Variants in DCC observed in about 807,000 individuals in gnomAD.
DCC encodes the protein DCC netrin 1 receptor.
A neutral mutation model predicts 172.5 loss-of-function variants in DCC; 58 were observed. The observed-to-expected ratio is 0.34, with a 90% CI of 0.27 to 0.42. The LOEUF is 0.42. Ranked by LOEUF, DCC falls within the 10% of genes least tolerant of loss-of-function variation. The pLI, the probability that DCC is intolerant of heterozygous loss-of-function variation, is 1.00. For missense variants in DCC, 1,740 were observed against 1,791.0 expected (o/e 0.97, Z 0.51); for synonymous variants, 709 against 644.5 (o/e 1.10, Z -1.52).
At chr18:52,735,389 AG>A (rs1299536034) in intron 1 of DCC, among the ~76,000 whole-genome samples, 4 of 152,154 alleles carry the variant, frequency 2.6e-5, no homozygotes, top group African/African-American at 9.7e-5. Flanking sequence ...ATGATGTATT[AG>A]GGTTCTCTAA....
chr18:53,430,154 C>A lies in DCC; in HGVS notation c.3164-4990C>A, dbSNP rs1459372868. 4.6e-5 allele frequency among the ~76,000 whole-genome samples: 7 copies of A among 152,070 alleles called. 1 individual carries two copies. The highest frequency in any genetic ancestry group is 1.7e-4 in the African/African-American group (7 of 41,428). ...ACAAGACAGAAAATCAATGCAATTT[C>A]TATCATCATTAGAATTATTTTCAGA... is the stretch of plus-strand genomic sequence containing the variant. On this transcript the variant is annotated intron_variant, in intron 21 of 28. Transcript: ENST00000442544.
At chr18:53,168,915 G>A (rs2054967715) in intron 8 of DCC, among the ~76,000 whole-genome samples, 2 of 152,066 alleles carry the variant, frequency 1.3e-5, no homozygotes, top group African/African-American at 4.8e-5. Context: ...ACAAGGTTGT[G>A]GGCATGGAGT....
intron 7 of DCC, among the ~76,000 whole-genome samples, chr18:53,125,734 T>G (rs1448510762): frequency 6.6e-6 from 1 of 152,122 alleles, no homozygotes; most frequent in African/African-American, 2.4e-5. Flanking sequence ...CAACACAGAT[T>G]TGGACCACAC....
rs1484011022 is a variant in DCC at position 52,925,381 on chromosome 18, G to T, written c.985+11G>T. 1 of 1,611,354 alleles carries T rather than the reference G, an allele frequency of 6.2e-7. No homozygotes were observed. The highest frequency in any genetic ancestry group is 1.3e-5 in the African/African-American group (1 of 74,896). ...AGCTCACAGTCTTGGGTAAGTTAGTGGCTGGAGATGAGTTTATATTGTACC... is the reference window on the plus strand; with the variant it reads ...AGCTCACAGTCTTGGGTAAGTTAGTTGCTGGAGATGAGTTTATATTGTACC... On this transcript the variant is annotated intron_variant, in intron 5 of 28. Transcript: ENST00000442544.
intron 21 of DCC, among the ~76,000 whole-genome samples, chr18:53,433,426 A>G (rs963780336): frequency 4.6e-5 from 7 of 152,196 alleles, no homozygotes; most frequent in Non-Finnish European, 1.0e-4. Flanking sequence ...CTACCTAGCT[A>G]ATTTCCAGCC....
chr18:53,207,000 A>G (rs1323628510), intron 10 of DCC, among the ~76,000 whole-genome samples: 1 of 151,368 alleles, frequency 6.6e-6, no homozygotes, highest in Non-Finnish European at 1.5e-5. Flanking sequence ...TGCTATCTTC[A>G]AGCTATTTTT....
intron 9 of DCC, among the ~76,000 whole-genome samples, chr18:53,184,189 A>G (rs536100023): frequency 6.6e-6 from 1 of 151,936 alleles, no homozygotes; most frequent in South Asian, 2.1e-4. Context: ...ACATTTACAT[A>G]CTCTGCTACT....
chr18:52,435,305 G>T (rs1987755450), intron 1 of DCC, among the ~76,000 whole-genome samples: 1 of 152,048 alleles, frequency 6.6e-6, no homozygotes, highest in African/African-American at 2.4e-5. Flanking sequence ...GTGTGCACGT[G>T]TGTGTGTGCT....
intron 2 of DCC, among the ~76,000 whole-genome samples, chr18:52,778,988 A>G (rs1174701465): frequency 1.3e-5 from 2 of 152,202 alleles, no homozygotes; most frequent in East Asian, 1.9e-4. Context: ...CCATTAATGT[A>G]TGATGTGTTT....
intron 2 of DCC, among the ~76,000 whole-genome samples, chr18:52,800,539 T>C (rs1426802969): frequency 6.6e-6 from 1 of 152,156 alleles, no homozygotes; most frequent in African/African-American, 2.4e-5. Flanking sequence ...TGGCAGTACA[T>C]AGATTGCTAT....
intron 26 of DCC, among the ~76,000 whole-genome samples, chr18:53,489,152 G>C (rs2045933882): frequency 1.3e-5 from 2 of 151,954 alleles, no homozygotes; most frequent in Admixed American, 1.3e-4. Context: ...TTAAATAAAA[G>C]TAGTTATACG....
rs148688185 is a variant in DCC at position 52,584,406 on chromosome 18, G to A, written c.92-167648G>A. On this transcript the variant is annotated intron_variant, in intron 1 of 28. Transcript: ENST00000442544. ...TGATTTGATTTAAAAAGGAGAAAGA[G>A]AAAGAGAGAGAGAGAGAGATGGAGA... Among the ~76,000 whole-genome samples, 11 of 152,268 alleles carry A rather than the reference G, an allele frequency of 7.2e-5. No individual in the cohort carries two copies. The East Asian group carries it at 2.1e-3, about 29-fold the overall frequency.
chr18:52,373,796 T>G (rs915463832), intron 1 of DCC, among the ~76,000 whole-genome samples: 1 of 152,168 alleles, frequency 6.6e-6, no homozygotes, highest in African/African-American at 2.4e-5. Flanking sequence ...TTGTTTAGCT[T>G]AAACCTTATC....
intron 5 of DCC, among the ~76,000 whole-genome samples, chr18:52,948,176 T>C (rs1318004853): frequency 2.0e-5 from 3 of 152,188 alleles, no homozygotes; most frequent in South Asian, 2.1e-4. Context: ...CCATGTGATA[T>C]CATGGGTATT....
intron 5 of DCC, among the ~76,000 whole-genome samples, chr18:52,983,289 T>C (rs1333276750): frequency 6.6e-6 from 1 of 152,108 alleles, no homozygotes; most frequent in Non-Finnish European, 1.5e-5. Flanking sequence ...AAAGGGAACA[T>C]TGGATGCTTT....
chr18:52,346,561 T>A (rs988197815), intron 1 of DCC, among the ~76,000 whole-genome samples: 1 of 152,196 alleles, frequency 6.6e-6, no homozygotes, highest in Non-Finnish European at 1.5e-5. Flanking sequence ...ATGGTGTGGT[T>A]TAGAAATACA....
At chr18:53,165,524 CT>C (rs1319201082) in intron 8 of DCC, among the ~76,000 whole-genome samples, 1 of 152,180 alleles carries the variant, frequency 6.6e-6, no homozygotes, top group Admixed American at 6.5e-5. Context: ...CATTCTGGCC[CT>C]GGCTTAAAGC....
chr18:53,149,800 C>T (rs963430729), intron 7 of DCC, among the ~76,000 whole-genome samples: 6 of 152,076 alleles, frequency 3.9e-5, no homozygotes, highest in South Asian at 4.1e-4. Flanking sequence ...AAATACTTCC[C>T]GAAATTAGTT....
At chr18:53,031,462 G>A (rs1178626447) in intron 5 of DCC, among the ~76,000 whole-genome samples, 1 of 152,128 alleles carries the variant, frequency 6.6e-6, no homozygotes, top group Non-Finnish European at 1.5e-5. Flanking sequence ...TTAGAGTACT[G>A]GAGATGAGGG....
Sources: allele counts gnomAD v4.1 joint callset (sites outside exome capture counted in the v4.1 genomes callset), GRCh38; gene constraint gnomAD v4.1.1; transcripts MANE v1.5; gene names NCBI Gene and HGNC (gene_info 2026-07-23, HGNC 2026-07-21).